Variants in EDNRA observed in about 807,000 individuals in gnomAD.
The protein encoded by EDNRA is endothelin receptor type A.
A neutral mutation model predicts 41.4 loss-of-function variants in EDNRA; 11 were observed. The ratio of observed to expected loss-of-function variants is 0.27; its 90% CI spans 0.17 to 0.44. The LOEUF (loss-of-function observed/expected upper bound fraction) is 0.44, where lower values mean the gene tolerates loss of function less well. EDNRA is among the 20% of genes least tolerant of loss of function. The pLI is 1.00. For missense variants in EDNRA, 294 were observed against 531.0 expected (o/e 0.55, Z 4.39); for synonymous variants, 172 against 183.0 (o/e 0.94, Z 0.49).
intron 4 of EDNRA, among the ~76,000 whole-genome samples, chr4:147,533,272 G>T (rs1413927258): frequency 1.3e-5 from 2 of 152,058 alleles, no homozygotes; most frequent in Non-Finnish European, 2.9e-5. Flanking sequence ...TAATATTTTG[G>T]TTTAACAAAT....
At chr4:147,508,855 T>C (rs574308020) in intron 2 of EDNRA, among the ~76,000 whole-genome samples, 5 of 152,352 alleles carry the variant, frequency 3.3e-5, no homozygotes, top group African/African-American at 1.2e-4. Context: ...TGGAGCTTTA[T>C]ATTAATAGTA....
intron 2 of EDNRA, among the ~76,000 whole-genome samples, chr4:147,514,476 C>A (rs949174751): frequency 6.6e-6 from 1 of 151,916 alleles, no homozygotes. Flanking sequence ...TTTTCTTTTT[C>A]TTTTTTGTTT....
Position 147,486,979 on chromosome 4 carries a change from C to G in EDNRA, c.420+878C>G, listed in dbSNP as rs1728970295. The stretch of plus-strand genomic sequence containing the variant: ...CTCACAGCTCTGTAGGCTGTACATG[C>G]ATGGCTCCAGCATCTGCTTCTGGTG... On this transcript the variant is annotated intron_variant, in intron 2 of 7. Transcript: ENST00000651419. The surrounding 1 kb of genome is among the most constrained non-coding windows in gnomAD (Gnocchi z 4.3). 6.6e-6 allele frequency among the ~76,000 whole-genome samples: 1 copy of G among 151,652 alleles called. No homozygotes were observed. The highest frequency in any genetic ancestry group is 1.5e-5 in the Non-Finnish European group (1 of 67,998).
intron 5 of EDNRA, 150 bp downstream of exon 5, chr4:147,536,179 G>A (rs1171902261): frequency 9.8e-7 from 1 of 1,025,232 alleles, no homozygotes; most frequent in Middle Eastern, 3.1e-4. Context: ...AATAGTGTTA[G>A]AAATTTCTTT....
intron 1 of EDNRA, among the ~76,000 whole-genome samples, chr4:147,483,205 G>C (rs1361772689): frequency 6.6e-6 from 1 of 152,164 alleles, no homozygotes; most frequent in South Asian, 2.1e-4. Flanking sequence ...ACTGCAAACT[G>C]TTTATAATTA....
In EDNRA at chr4:147,498,052, A is replaced by T. The variant is rs116148076; in HGVS notation, c.420+11951A>T. On this transcript the variant is annotated intron_variant, in intron 2 of 7. Transcript: ENST00000651419. ...GAAGACAGAGCTAAAAGAAAAATTTATCTTAATATCATCAGCAAAATTTGC... is the reference window on the plus strand; with the variant it reads ...GAAGACAGAGCTAAAAGAAAAATTTTTCTTAATATCATCAGCAAAATTTGC... Among the ~76,000 whole-genome samples the T allele has an allele frequency of 9.2e-3, 1,399 of 152,338 alleles. 15 individuals are homozygous for T. The highest frequency in any genetic ancestry group is 0.032 in the African/African-American group (1,313 of 41,564).
At chr4:147,517,664 A>G (rs1462046724) in intron 2 of EDNRA, among the ~76,000 whole-genome samples, 1 of 152,180 alleles carries the variant, frequency 6.6e-6, no homozygotes, top group Non-Finnish European at 1.5e-5. Flanking sequence ...ACTCCTAGGA[A>G]AAGGAAAAAG....
In EDNRA at chr4:147,485,715, C is replaced by A. The variant is rs1156462695; in HGVS notation, c.34C>A (p.Leu12Met). 1 of 1,611,386 alleles carries A rather than the reference C, an allele frequency of 6.2e-7. No homozygotes were observed. Among genetic ancestry groups the A allele is most frequent in the East Asian group, 2.2e-5 (1 of 44,864 alleles). Residue 12 changes from leucine (L) to methionine (M), a missense_variant, in exon 2 of 8, where the codon CTG becomes ATG. Leu to Met is a conservative substitution (Grantham distance 15). Coordinates refer to ENST00000651419, the MANE Select transcript of EDNRA (RefSeq NM_001957.4). ...CCTTTGCCTCAGGGCATCCTTTTGG[C>A]TGGCACTGGTTGGATGTGTAATCAG... is the stretch of plus-strand genomic sequence containing the variant. ...ETLCLRASFWLALVGCVISDN... is the reference protein window; with the variant it reads ...ETLCLRASFWMALVGCVISDN...
chr4:147,516,165 G>A (rs1251506937), intron 2 of EDNRA, among the ~76,000 whole-genome samples: 1 of 152,164 alleles, frequency 6.6e-6, no homozygotes, highest in Non-Finnish European at 1.5e-5. Flanking sequence ...CTTGAGAAGA[G>A]GAGAACATGA....
chr4:147,521,372 G>T (rs1238754946), intron 3 of EDNRA, among the ~76,000 whole-genome samples: 1 of 152,120 alleles, frequency 6.6e-6, no homozygotes, highest in Non-Finnish European at 1.5e-5. Context: ...ATACCCTTCA[G>T]TGATTTGTAG....
intron 2 of EDNRA, chr4:147,494,769 C>T (rs1253401785): frequency 6.6e-6 from 1 of 152,120 alleles, no homozygotes; most frequent in Non-Finnish European, 1.5e-5. Context: ...ACCTATACAC[C>T]TTTAAAAGTC....
At chr4:147,490,717 C>T (rs1178925049) in intron 2 of EDNRA, 3 of 152,060 alleles carry the variant, frequency 2.0e-5, no homozygotes, top group Non-Finnish European at 4.4e-5. Context: ...CATGAGATTA[C>T]ATGTATGCCA....
chr4:147,483,798 C>T lies in EDNRA; in HGVS notation c.-70-1814C>T, dbSNP rs187408631. ...GCAGTGACTCGATCATAGCTCCCTG[C>T]AGCCTTAACCTCCTGGACTCAAGTG... On this transcript the variant is annotated intron_variant, in intron 1 of 7. Transcript: ENST00000651419. Among the ~76,000 whole-genome samples, 11 of 151,680 alleles carry T rather than the reference C, an allele frequency of 7.3e-5. No homozygotes were observed. The East Asian group carries it at 2.1e-3, about 29-fold the overall frequency.
chr4:147,538,919 A>T (rs1213204615), intron 5 of EDNRA, among the ~76,000 whole-genome samples: 1 of 152,230 alleles, frequency 6.6e-6, no homozygotes, highest in African/African-American at 2.4e-5. Flanking sequence ...GATCCCAGTT[A>T]CAGACAAGTT....
At chr4:147,506,206 A>G in intron 2 of EDNRA, 1 of 523,590 alleles carries the variant, frequency 1.9e-6, no homozygotes, top group Non-Finnish European at 3.8e-6. Context: ...TTGAATGAAG[A>G]TCTTGCAAAT....
rs186915022 is a variant in EDNRA at position 147,514,159 on chromosome 4, G to A, written c.421-5692G>A. On this transcript the variant is annotated intron_variant, in intron 2 of 7. Coordinates refer to ENST00000651419, the MANE Select transcript of EDNRA (RefSeq NM_001957.4). ...AAATGAGCATCATATCCTTGTGGCA[G>A]GTATGAGAACTACCCCCATTTAACA... is the stretch of plus-strand genomic sequence containing the variant. Among the ~76,000 whole-genome samples, 31 of 152,262 alleles carry A rather than the reference G, an allele frequency of 2.0e-4. No individual in the cohort carries two copies. The East Asian group carries it at 5.6e-3, about 27-fold the overall frequency.
At chr4:147,527,114 A>T (rs544519035) in intron 3 of EDNRA, among the ~76,000 whole-genome samples, 1 of 152,372 alleles carries the variant, frequency 6.6e-6, no homozygotes, top group South Asian at 2.1e-4. Context: ...GGTAAATAAG[A>T]ATAAATAATA....
intron 3 of EDNRA, among the ~76,000 whole-genome samples, chr4:147,524,267 G>C (rs1560911361): frequency 6.6e-6 from 1 of 152,054 alleles, no homozygotes; most frequent in African/African-American, 2.4e-5. Flanking sequence ...TTTCTTCCTT[G>C]GGGGGATCTA....
chr4:147,530,660 A>G (rs1292361130), intron 3 of EDNRA, among the ~76,000 whole-genome samples: 1 of 152,222 alleles, frequency 6.6e-6, no homozygotes, highest in African/African-American at 2.4e-5. Context: ...GCTCATCTCT[A>G]GGGAATTCTG....
Sources: gnomAD v4.1 joint callset for allele counts (sites outside exome capture counted in the v4.1 genomes callset) on GRCh38, gnomAD v4.1.1 for gene constraint, Gnocchi (gnomAD v3.1) non-coding constraint, MANE v1.5 for transcripts, NCBI Gene and HGNC (gene_info 2026-07-23, HGNC 2026-07-21) for gene names.